The following USH2A variants were observed in gnomAD, a reference collection of about 807,000 sequenced individuals.
USH2A encodes Usher syndrome 2A (autosomal recessive, mild).
Under a neutral mutation model 538.9 loss-of-function variants are expected in USH2A, and 443 were observed. That is an observed-to-expected ratio of 0.82 (90% CI 0.76 to 0.89). The LOEUF (loss-of-function observed/expected upper bound fraction) is 0.89. Among genes scored for constraint, USH2A ranks in the 40% least tolerant of loss-of-function variants. The probability of loss-of-function intolerance (pLI) is 0.00; values close to 1 mark genes in which losing one functional copy is unlikely to be tolerated. For synonymous variants in USH2A, 2,413 were observed against 2,273.5 expected (o/e 1.06, Z -1.75); for missense variants, 6,633 against 6,324.8 (o/e 1.05, Z -1.65).
chr1:216,183,183 G>A (rs2034526714), intron 20 of USH2A, among the ~76,000 whole-genome samples: 1 of 151,940 alleles, frequency 6.6e-6, no homozygotes, highest in Non-Finnish European at 1.5e-5. Context: ...CCTTTCATTT[G>A]TTTGTTTTGC....
chr1:215,625,495 C>G lies in USH2A; in HGVS notation c.*286G>C. 2.2e-6 allele frequency: 1 copy of G among 446,006 alleles called. No homozygotes were observed. Among genetic ancestry groups the G allele is most frequent in the South Asian group, 2.3e-5 (1 of 43,822 alleles). 27.6% of individuals were successfully genotyped at this position (446,006 alleles called of 1,614,324 possible). A position where few individuals can be genotyped will look rare whatever the true frequency, so the allele number is the denominator to read the frequency against. On this transcript the variant is annotated 3_prime_UTR_variant, in exon 72 of 72. Transcript: ENST00000307340. ...ATTATTCAGTTAACCAGGAGCATCA[C>G]TGCCAAACAGAACCAAGTGACAATT...
chr1:216,029,969 TAG>T (rs893864389), intron 32 of USH2A, among the ~76,000 whole-genome samples: 1 of 148,208 alleles, frequency 6.7e-6, no homozygotes, highest in Non-Finnish European at 1.5e-5. Context: ...GATAGATAGA[TAG>T]AGAGAGATAT....
intron 3 of USH2A, among the ~76,000 whole-genome samples, chr1:216,400,032 A>C (rs997827052): frequency 3.3e-5 from 5 of 152,170 alleles, no homozygotes; most frequent in Non-Finnish European, 7.4e-5. Flanking sequence ...CATACTAAGA[A>C]CCATCAAAAT....
intron 38 of USH2A, among the ~76,000 whole-genome samples, chr1:215,926,670 T>C (rs1666245867): frequency 7.8e-6 from 1 of 128,358 alleles, no homozygotes; most frequent in African/African-American, 2.9e-5. Context: ...CAGGCTGGAG[T>C]GCAATGGTAC....
chr1:215,990,524 C>T (rs2102474321), intron 35 of USH2A, among the ~76,000 whole-genome samples: 1 of 152,248 alleles, frequency 6.6e-6, no homozygotes, highest in Middle Eastern at 3.4e-3. Flanking sequence ...TCCTTAGCAT[C>T]TGGTGGGAGT....
In USH2A at chr1:216,249,712, T is replaced by C. The variant is rs138041088; in HGVS notation, c.2167+1191A>G. Among the ~76,000 whole-genome samples the C allele has an allele frequency of 3.8e-3, 572 of 152,292 alleles. 6 individuals carry two copies. Among genetic ancestry groups the C allele is most frequent in the African/African-American group, 0.011 (448 of 41,564 alleles). On this transcript the variant is annotated intron_variant, in intron 12 of 71. Coordinates refer to ENST00000307340, the MANE Select transcript of USH2A (RefSeq NM_206933.4). ...TGCCACTAAACACACCTACATTCTCTTTATTAAATTGAAACGCTTGTCTAG... is the reference window on the plus strand; with the variant it reads ...TGCCACTAAACACACCTACATTCTCCTTATTAAATTGAAACGCTTGTCTAG...
chr1:215,751,016 A>T (rs189884164), intron 58 of USH2A, among the ~76,000 whole-genome samples: 1 of 152,140 alleles, frequency 6.6e-6, no homozygotes, highest in African/African-American at 2.4e-5. Flanking sequence ...ACTCCTTGTC[A>T]TTTGGTTATT....
chr1:216,120,539 C>G (rs2033114179), intron 21 of USH2A, among the ~76,000 whole-genome samples: 1 of 151,784 alleles, frequency 6.6e-6, no homozygotes. Context: ...GCCACAGCGC[C>G]CAGCTAATCT....
chr1:215,878,647 A>G, intron 42 of USH2A, 117 bp downstream of exon 42: 1 of 966,934 alleles, frequency 1.0e-6, no homozygotes, highest in African/African-American at 1.6e-5. Flanking sequence ...GAGTCAGGGG[A>G]TATTCAATGC....
chr1:215,847,847 A>G (rs1009319423), intron 44 of USH2A, among the ~76,000 whole-genome samples: 39 of 152,168 alleles, frequency 2.6e-4, no homozygotes, highest in African/African-American at 9.2e-4. Context: ...GTGATTTTGC[A>G]TAAAAACTGA....
At chr1:216,363,687 T>A (rs1342623601) in intron 4 of USH2A, among the ~76,000 whole-genome samples, 1 of 151,922 alleles carries the variant, frequency 6.6e-6, no homozygotes, top group Non-Finnish European at 1.5e-5. Context: ...AAAACCTAAA[T>A]GTTCATTATA....
intron 11 of USH2A, among the ~76,000 whole-genome samples, chr1:216,258,812 CAAAGT>C (rs1325589023): frequency 6.6e-6 from 1 of 151,996 alleles, no homozygotes; most frequent in Non-Finnish European, 1.5e-5. Flanking sequence ...AATGTTCAGT[CAAAGT>C]AAAGTCTCAA....
Position 216,148,107 on chromosome 1 carries a change from C to A in USH2A, c.4627+27145G>T, listed in dbSNP as rs570797645. Reference sequence around the variant, plus strand: ...CTCACAATGGAAGGTAAGCCCGTCCCCTTCTTAATCAATACGGAGGCTACC... The same window carrying A: ...CTCACAATGGAAGGTAAGCCCGTCCACTTCTTAATCAATACGGAGGCTACC... On this transcript the variant is annotated intron_variant, in intron 21 of 71. Coordinates refer to ENST00000307340, the MANE Select transcript of USH2A (RefSeq NM_206933.4). Among the ~76,000 whole-genome samples, 927 of 152,046 alleles carry A rather than the reference C, an allele frequency of 6.1e-3. 6 individuals are homozygous for A. Among genetic ancestry groups the A allele is most frequent in the South Asian group, 0.024 (114 of 4,800 alleles).
At chr1:215,693,918 T>A (rs182977893) in intron 61 of USH2A, among the ~76,000 whole-genome samples, 6 of 152,348 alleles carry the variant, frequency 3.9e-5, no homozygotes, top group Admixed American at 3.9e-4. Context: ...CCCACTTTAA[T>A]TGGCAGCTCC....
intron 4 of USH2A, among the ~76,000 whole-genome samples, chr1:216,332,087 A>C (rs1011236368): frequency 1.3e-5 from 2 of 152,224 alleles, no homozygotes; most frequent in Non-Finnish European, 2.9e-5. Flanking sequence ...CTGAAAATGA[A>C]CAGTTTGCAA....
intron 30 of USH2A, among the ~76,000 whole-genome samples, chr1:216,064,605 G>T (rs533795059): frequency 6.6e-6 from 1 of 151,682 alleles, no homozygotes; most frequent in Non-Finnish European, 1.5e-5. Context: ...ATAATGTTTT[G>T]GTCAACAACA....
rs1558076067 is a variant in USH2A, at chr1:216,410,147, A to AACCACAAT, written c.651+8366_651+8367insATTGTGGT. 2.0e-3 allele frequency among the ~76,000 whole-genome samples: 308 copies of AACCACAAT among 152,200 alleles called. 2 individuals carry two copies. The East Asian group carries it at 0.034, about 17-fold the overall frequency. ...CAATGTCAATCAAAACCACAATGAA[A>AACCACAAT]GATACCATCTCACATCAGTCAGAAT... On this transcript the variant is annotated intron_variant, in intron 3 of 71. Transcript: ENST00000307340.
Position 216,207,413 on chromosome 1 carries a change from G to T in USH2A, c.3176C>A (p.Pro1059Gln). 1.2e-6 allele frequency: 2 copies of T among 1,613,978 alleles called. No homozygotes were observed. The highest frequency in any genetic ancestry group is 1.7e-6 in the Non-Finnish European group (2 of 1,179,928). ...AGAACTTTGAACTTGTCCTCTGGGCGGAGGTTGCTGGAATGGAGCTAAATT... is the reference window on the plus strand; with the variant it reads ...AGAACTTTGAACTTGTCCTCTGGGCTGAGGTTGCTGGAATGGAGCTAAATT... The part of the protein sequence containing the change: ...GCSKTPFQQP[P>Q]PRGQVQSSSA... The change falls in exon 16 of 72, where the codon CCG becomes CAG. Residue 1059 changes from proline (P) to glutamine (Q), a missense_variant. Pro to Gln is a moderately conservative substitution (Grantham distance 76). Coordinates refer to ENST00000307340, the MANE Select transcript of USH2A (RefSeq NM_206933.4).
At chr1:215,907,158 T>C (rs1378890877) in intron 38 of USH2A, among the ~76,000 whole-genome samples, 2 of 151,972 alleles carry the variant, frequency 1.3e-5, no homozygotes, top group Non-Finnish European at 2.9e-5. Context: ...TTGTTCACAT[T>C]GAGACATTCT....
Sources: allele counts gnomAD v4.1 joint callset (sites outside exome capture counted in the v4.1 genomes callset), GRCh38; gene constraint gnomAD v4.1.1; transcripts MANE v1.5; gene names NCBI Gene and HGNC (gene_info 2026-07-23, HGNC 2026-07-21).